The following UGGT2 variants were observed in gnomAD, a reference collection of about 807,000 sequenced individuals.
The protein encoded by UGGT2 is UDP-glucose:glycoprotein glucosyltransferase 2.
In UGGT2, 180 loss-of-function variants were observed where a neutral mutation model predicts 192.1. The observed-to-expected ratio is 0.94, with a 90% CI of 0.83 to 1.06. The LOEUF (loss-of-function observed/expected upper bound fraction) is 1.06, where lower values mean the gene tolerates loss of function less well. Among genes scored for constraint, UGGT2 ranks in the 50% least tolerant of loss-of-function variants. The pLI, the probability that UGGT2 is intolerant of heterozygous loss-of-function variation, is 0.00. For missense variants in UGGT2, 1,849 were observed against 1,795.7 expected (o/e 1.03, Z -0.54); for synonymous variants, 580 against 591.0 (o/e 0.98, Z 0.27).
intron 25 of UGGT2, among the ~76,000 whole-genome samples, chr13:95,889,242 A>G (rs2047732363): frequency 6.6e-6 from 1 of 152,204 alleles, no homozygotes; most frequent in East Asian, 1.9e-4. Context: ...TAATCTGAAT[A>G]GTGTATCTCA....
chr13:95,833,541 A>C (rs1566562980), intron 37 of UGGT2, among the ~76,000 whole-genome samples: 1 of 152,210 alleles, frequency 6.6e-6, no homozygotes, highest in African/African-American at 2.4e-5. Flanking sequence ...AAAGAAATTA[A>C]AATAGGAAAA....
intron 38 of UGGT2, among the ~76,000 whole-genome samples, chr13:95,819,206 T>C (rs1594066753): frequency 6.6e-6 from 1 of 152,320 alleles, no homozygotes; most frequent in East Asian, 1.9e-4. Context: ...TATTATACTC[T>C]TGAATATGTT....
intron 38 of UGGT2, among the ~76,000 whole-genome samples, chr13:95,816,999 T>G (rs1309337680): frequency 3.3e-5 from 5 of 152,148 alleles, no homozygotes; most frequent in Admixed American, 6.5e-5. Context: ...TGTTGGCACA[T>G]GCTTGTAATC....
chr13:95,905,122 C>T lies in UGGT2; in HGVS notation c.2296-2062G>A, dbSNP rs191705036. On this transcript the variant is annotated intron_variant, in intron 20 of 38. Transcript: ENST00000376747. The stretch of plus-strand genomic sequence containing the variant: ...TTGAGAAGTGTCTGTTCATGTCCTT[C>T]GCCCACTTTGTGATGGGGTTGTTTG... Among the ~76,000 whole-genome samples, 194 of 152,090 alleles carry T rather than the reference C, an allele frequency of 1.3e-3. 1 individual carries two copies. Among genetic ancestry groups the T allele is most frequent in the Middle Eastern group, 3.4e-3 (1 of 294 alleles).
chr13:95,808,079 C>A (rs1041464018), intron 38 of UGGT2, among the ~76,000 whole-genome samples: 10 of 152,052 alleles, frequency 6.6e-5, no homozygotes, highest in Non-Finnish European at 1.2e-4. Context: ...TCATGGAGTT[C>A]TGGGTGGCCA....
intron 17 of UGGT2, among the ~76,000 whole-genome samples, chr13:95,929,903 C>G (rs980089211): frequency 3.9e-5 from 6 of 152,198 alleles, no homozygotes; most frequent in Non-Finnish European, 8.8e-5. Flanking sequence ...TCCCCACTAA[C>G]AGTGTATATG....
chr13:95,990,305 T>C (rs1277092382), intron 7 of UGGT2: 1 of 244,556 alleles, frequency 4.1e-6, no homozygotes, highest in Non-Finnish European at 7.8e-6. Context: ...TGGAGGAATA[T>C]ACTCTCAATT....
chr13:95,904,165 T>A (rs915868076), intron 20 of UGGT2, among the ~76,000 whole-genome samples: 1 of 152,134 alleles, frequency 6.6e-6, no homozygotes, highest in Non-Finnish European at 1.5e-5. Context: ...GATGATGTGT[T>A]ATAATGGGAA....
At chr13:96,009,086 T>G (rs1368329082) in intron 5 of UGGT2, among the ~76,000 whole-genome samples, 1 of 152,108 alleles carries the variant, frequency 6.6e-6, no homozygotes, top group East Asian at 1.9e-4. Context: ...AAGCAAGCAA[T>G]GGGGAAAGAA....
chr13:95,931,510 C>T (rs1368925839), intron 17 of UGGT2, among the ~76,000 whole-genome samples: 4 of 137,038 alleles, frequency 2.9e-5, no homozygotes, highest in East Asian at 2.6e-4. Context: ...CGGGGAGGCT[C>T]GGGCTGCGCA....
intron 38 of UGGT2, among the ~76,000 whole-genome samples, chr13:95,823,478 A>T (rs1304518059): frequency 6.6e-6 from 1 of 152,022 alleles, no homozygotes; most frequent in African/African-American, 2.4e-5. Context: ...GTATTATAGT[A>T]TCTTCTTGTT....
At chr13:95,901,965 C>T (rs2048116921) in intron 21 of UGGT2, among the ~76,000 whole-genome samples, 1 of 152,172 alleles carries the variant, frequency 6.6e-6, no homozygotes, top group African/African-American at 2.4e-5. Context: ...CAAGTTCTAT[C>T]TCAGGGTACT....
intron 5 of UGGT2, among the ~76,000 whole-genome samples, chr13:96,012,788 A>T (rs1467183371): frequency 6.6e-6 from 1 of 151,936 alleles, no homozygotes; most frequent in Non-Finnish European, 1.5e-5. Context: ...TGAAAGTGTT[A>T]AATAAACTTG....
At chr13:95,883,558 A>T (rs1296659527) in intron 27 of UGGT2, among the ~76,000 whole-genome samples, 1 of 152,050 alleles carries the variant, frequency 6.6e-6, no homozygotes, top group African/African-American at 2.4e-5. Flanking sequence ...TGCTGTTCTC[A>T]TGGTAGTGAA....
intron 38 of UGGT2, among the ~76,000 whole-genome samples, chr13:95,807,455 C>T (rs147009246): frequency 3.0e-4 from 46 of 152,232 alleles, no homozygotes; most frequent in African/African-American, 1.1e-3. Context: ...CTGCTGTTTG[C>T]TTTAGTTTCA....
At chr13:95,920,541 A>G (rs1400356005) in intron 20 of UGGT2, among the ~76,000 whole-genome samples, 1 of 152,166 alleles carries the variant, frequency 6.6e-6, no homozygotes, top group East Asian at 1.9e-4. Flanking sequence ...ACATAAACAG[A>G]CTCTTCTCAA....
intron 17 of UGGT2, among the ~76,000 whole-genome samples, chr13:95,936,335 T>C (rs569489382): frequency 9.5e-4 from 144 of 152,362 alleles, no homozygotes; most frequent in African/African-American, 3.2e-3. Context: ...AGCTAGTAGA[T>C]AGCCCTTATG....
intron 1 of UGGT2, among the ~76,000 whole-genome samples, chr13:96,047,529 C>T (rs1175734854): frequency 4.6e-5 from 7 of 152,126 alleles, no homozygotes; most frequent in African/African-American, 1.7e-4. Flanking sequence ...GAAACCAGAG[C>T]AGAAAAGCTG....
chr13:95,877,496 G>T, intron 28 of UGGT2, 132 bp from the exon 29 acceptor site: 1 of 969,358 alleles, frequency 1.0e-6, no homozygotes, highest in Non-Finnish European at 1.5e-6. Context: ...TCAATTCCAA[G>T]TAAAGAGATT....
Sources: allele counts gnomAD v4.1 joint callset (sites outside exome capture counted in the v4.1 genomes callset), GRCh38; gene constraint gnomAD v4.1.1; transcripts MANE v1.5; gene names NCBI Gene and HGNC (gene_info 2026-07-23, HGNC 2026-07-21).